FSIP2: variants seen among roughly 807,000 people sequenced by gnomAD.
The protein encoded by FSIP2 is fibrous sheath interacting protein 2.
FSIP2 carries 367 observed loss-of-function variants against 510.5 expected under a neutral mutation model. The observed-to-expected ratio is 0.72, with a 90% CI of 0.66 to 0.78. The LOEUF is 0.78. FSIP2 is among the 30% of genes least tolerant of loss of function. The pLI is 0.00. For synonymous variants in FSIP2, 2,601 were observed against 2,732.2 expected (o/e 0.95, Z 1.50); for missense variants, 7,594 against 7,901.7 (o/e 0.96, Z 1.48).
At position 185,746,721 on chromosome 2, in the gene FSIP2, G is replaced by A; in HGVS notation, c.670G>A (p.Glu224Lys). 1 of 1,532,114 alleles carries A rather than the reference G, an allele frequency of 6.5e-7. No individual in the cohort carries two copies. Among genetic ancestry groups the A allele is most frequent in the Non-Finnish European group, 8.7e-7 (1 of 1,144,940 alleles). The allele number at this position is 1,532,114 out of a possible 1,614,324, so 94.9% of individuals were successfully genotyped here. A position where few individuals can be genotyped will look rare whatever the true frequency, so the allele number is the denominator to read the frequency against. The change falls in exon 6 of 23, where the codon GAA (glutamate) becomes AAA (lysine). Residue 224 changes from glutamate to lysine, a missense_variant. Glu to Lys is a moderately conservative substitution (Grantham distance 56, BLOSUM62 1). Coordinates refer to ENST00000424728, the MANE Select transcript of FSIP2 (RefSeq NM_173651.4). ...KLEQLERTAEEQRLFLMDREE... is the reference protein window; with the variant it reads ...KLEQLERTAEKQRLFLMDREE... The stretch of plus-strand genomic sequence containing the variant: ...AGAACAACTTGAACGCACAGCAGAA[G>A]AACAACGCCTATTCCTAATGGATAG...
chr2:185,795,364 T>C lies in FSIP2; in HGVS notation c.8228T>C (p.Ile2743Thr). 1 of 1,534,724 alleles carries C rather than the reference T, an allele frequency of 6.5e-7. No individual in the cohort carries two copies. The highest frequency in any genetic ancestry group is 8.7e-7 in the Non-Finnish European group (1 of 1,146,046). ...CTAAAAATATATGCCAAGGATATAA[T>C]AATTAACATCCTAGAAACAATTGTG... ...SELKIYAKDI[I>T]INILETIVKE... The change falls in exon 16 of 23, where the codon ATA becomes ACA. Residue 2743 changes from isoleucine (I) to threonine (T), a missense_variant. Transcript: ENST00000424728.
In FSIP2 at chr2:185,747,306, T is replaced by A; in HGVS notation, c.760-7T>A. The A allele has an allele frequency of 2.0e-6, 3 of 1,473,392 alleles. No homozygotes were observed. In the East Asian group the frequency reaches 7.4e-5, roughly 36 times the overall value. 91.3% of individuals were successfully genotyped at this position (1,473,392 alleles called of 1,614,324 possible). A position where few individuals can be genotyped will look rare whatever the true frequency, so the allele number is the denominator to read the frequency against. ...CACACCAAGTGCAGTAACATTGTGA[T>A]TTCTAGGAATGGAAGACAAAAGAGA... is the stretch of plus-strand genomic sequence containing the variant. On this transcript the variant is annotated splice_region_variant and splice_polypyrimidine_tract_variant and intron_variant, in intron 6 of 22. Transcript: ENST00000424728.
At chr2:185,745,125 A>G (rs577524204) in intron 4 of FSIP2, 42 of 178,286 alleles carry the variant, frequency 2.4e-4, no homozygotes, top group Admixed American at 1.8e-3. Context: ...AGACTTTAAT[A>G]TATTTCTAAG....
intron 22 of FSIP2, 39 bp downstream of exon 22, chr2:185,831,921 C>G (rs773835091): frequency 3.4e-6 from 4 of 1,179,864 alleles, no homozygotes. Context: ...TGTAATTAAA[C>G]TGTCAATTGC....
chr2:185,788,621 TC>T, intron 15 of FSIP2, 21 bp from the exon 16 acceptor site: 1 of 1,443,072 alleles, frequency 6.9e-7, no homozygotes, highest in Non-Finnish European at 9.1e-7. Flanking sequence ...TTTATTTTCA[TC>T]TCTGCTTACC....
chr2:185,738,422 C>G (rs1194198857), upstream of FSIP2: 17 of 602,046 alleles, frequency 2.8e-5, no homozygotes, highest in East Asian at 4.3e-4. Flanking sequence ...CCTTGTGGAC[C>G]TGGTGTGGGA....
In FSIP2 at chr2:185,807,899, A is replaced by G. The variant is rs180799637; in HGVS notation, c.18593A>G (p.His6198Arg). ...SKLLSIFPKV[H>R]KERTKSLETD... ...CTTTTATCTATATTTCCAAAAGTACATAAAGAAAGAACAAAATCTCTAGAG... is the reference window on the plus strand; with the variant it reads ...CTTTTATCTATATTTCCAAAAGTACGTAAAGAAAGAACAAAATCTCTAGAG... The change falls in exon 17 of 23, where the codon CAT becomes CGT. Residue 6198 changes from histidine (H) to arginine (R), a missense_variant. His to Arg is a conservative substitution (Grantham distance 29, BLOSUM62 0). Transcript: ENST00000424728. 1.8e-5 allele frequency: 29 copies of G among 1,602,694 alleles called. No individual in the cohort carries two copies. The Admixed American group carries it at 4.7e-4, about 26-fold the overall frequency.
chr2:185,763,271 G>A lies in FSIP2; in HGVS notation c.1329G>A (p.Leu443=). 1.4e-6 allele frequency: 2 copies of A among 1,476,180 alleles called. No individual in the cohort carries two copies. The highest frequency in any genetic ancestry group is 1.8e-6 in the Non-Finnish European group (2 of 1,093,006). The allele number at this position is 1,476,180 out of a possible 1,614,324, so 91.4% of individuals were successfully genotyped here. The change falls in exon 12 of 23, where the codon TTG becomes TTA. Residue 443 remains leucine (L), a synonymous_variant. Coordinates refer to ENST00000424728, the MANE Select transcript of FSIP2 (RefSeq NM_173651.4). ...TTTCCAGAGTTTCACAGGCATTTTTGGATCCTTCAAAAGAAGAGGTATATA... is the reference window on the plus strand; with the variant it reads ...TTTCCAGAGTTTCACAGGCATTTTTAGATCCTTCAAAAGAAGAGGTATATA... ...RNFSRVSQAF[L]DPSKEEKETN...
intron 17 of FSIP2, among the ~76,000 whole-genome samples, chr2:185,809,648 C>T (rs1693683641): frequency 6.6e-6 from 1 of 152,068 alleles, no homozygotes. Context: ...ACTGCCAACT[C>T]TTAGATTACA....
At chr2:185,771,264 G>T (rs1692601890) in intron 13 of FSIP2, among the ~76,000 whole-genome samples, 1 of 152,210 alleles carries the variant, frequency 6.6e-6, no homozygotes, top group African/African-American at 2.4e-5. Context: ...TGAGGACTCA[G>T]TGTGAGTTCT....
At chr2:185,762,453 A>G (rs1185025783) in intron 11 of FSIP2, among the ~76,000 whole-genome samples, 2 of 151,390 alleles carry the variant, frequency 1.3e-5, no homozygotes, top group East Asian at 3.9e-4. Flanking sequence ...CAAGTCACTA[A>G]AAATACTCAC....
chr2:185,768,021 G>T (rs1308441249), intron 13 of FSIP2, among the ~76,000 whole-genome samples: 1 of 151,994 alleles, frequency 6.6e-6, no homozygotes, highest in Admixed American at 6.6e-5. Flanking sequence ...TCACAATCTT[G>T]CCAATACTTG....
chr2:185,738,617 T>G, upstream of FSIP2: 2 of 1,535,966 alleles, frequency 1.3e-6, no homozygotes, highest in Non-Finnish European at 1.7e-6. Context: ...GCGTGATGGT[T>G]TCAGAGAAAG....
intron 13 of FSIP2, among the ~76,000 whole-genome samples, chr2:185,775,265 A>C (rs932053407): frequency 1.0e-4 from 15 of 149,378 alleles, no homozygotes; most frequent in Non-Finnish European, 1.5e-4. Flanking sequence ...CTTTTTAATG[A>C]TTGCCATTCT....
chr2:185,803,893 A>C lies in FSIP2; in HGVS notation c.14587A>C (p.Met4863Leu). 3 of 1,525,854 alleles carry C rather than the reference A, an allele frequency of 2.0e-6. No homozygotes were observed. The highest frequency in any genetic ancestry group is 2.6e-6 in the Non-Finnish European group (3 of 1,139,720). 94.5% of individuals were successfully genotyped at this position (1,525,854 alleles called of 1,614,324 possible). The change falls in exon 17 of 23, where the codon ATG becomes CTG. Residue 4863 changes from methionine (M) to leucine (L), a missense_variant. By Grantham distance (15) the Met-to-Leu change is conservative. Transcript: ENST00000424728. ...SMISAKDIQS[M>L]VDSIYADLSH... The stretch of plus-strand genomic sequence containing the variant: ...GATTTCAGCAAAAGATATCCAGTCT[A>C]TGGTTGATTCCATTTATGCTGATCT...
intron 2 of FSIP2, among the ~76,000 whole-genome samples, chr2:185,742,294 A>G (rs1426985655): frequency 6.6e-6 from 1 of 152,158 alleles, no homozygotes; most frequent in Non-Finnish European, 1.5e-5. Context: ...GAGAACTCAC[A>G]CCAAAAAACT....
intron 13 of FSIP2, among the ~76,000 whole-genome samples, chr2:185,767,426 C>T (rs1301272832): frequency 6.6e-6 from 1 of 152,038 alleles, no homozygotes; most frequent in Non-Finnish European, 1.5e-5. Context: ...TTAGATCTTC[C>T]ACACTTATTC....
chr2:185,789,223 T>A lies in FSIP2; in HGVS notation c.2087T>A (p.Phe696Tyr). The A allele has an allele frequency of 6.5e-7, 1 of 1,534,580 alleles. No homozygotes were observed. Among genetic ancestry groups the A allele is most frequent in the Non-Finnish European group, 8.7e-7 (1 of 1,145,856 alleles). The change falls in exon 16 of 23, where the codon TTT (phenylalanine) becomes TAT (tyrosine). Residue 696 changes from phenylalanine to tyrosine, a missense_variant. Phe to Tyr is a conservative substitution (Grantham distance 22, BLOSUM62 3). Coordinates refer to ENST00000424728, the MANE Select transcript of FSIP2 (RefSeq NM_173651.4). Reference protein sequence around the residue: ...MKNLKNVFVNFKCYLKGETEV... With the variant: ...MKNLKNVFVNYKCYLKGETEV... ...AATTTAAAAAATGTTTTTGTTAACT[T>A]TAAATGTTACTTGAAAGGGGAAACT...
chr2:185,752,504 A>G (rs549325914), intron 7 of FSIP2, among the ~76,000 whole-genome samples: 2 of 151,382 alleles, frequency 1.3e-5, no homozygotes, highest in South Asian at 4.2e-4. Flanking sequence ...ATTATTATCT[A>G]ATATTTATTT....
Sources: allele counts gnomAD v4.1 joint callset (sites outside exome capture counted in the v4.1 genomes callset), GRCh38; gene constraint gnomAD v4.1.1; transcripts MANE v1.5; gene names NCBI Gene and HGNC (gene_info 2026-07-23, HGNC 2026-07-21).